Variants in FRMPD4 observed in about 807,000 individuals in gnomAD.
FRMPD4 encodes the protein FERM and PDZ domain containing 4.
A neutral mutation model predicts 94.1 loss-of-function variants in FRMPD4; 22 were observed. That is an observed-to-expected ratio of 0.23 (90% CI 0.17 to 0.33). The LOEUF (loss-of-function observed/expected upper bound fraction) is 0.33. Among genes scored for constraint, FRMPD4 ranks in the 10% least tolerant of loss-of-function variants. The pLI is 1.00. For missense variants in FRMPD4, 1,111 were observed against 1,339.9 expected, an observed-to-expected ratio of 0.83 and a Z score of 2.67; for synonymous variants, 631 against 548.6, an observed-to-expected ratio of 1.15 and a Z score of -2.10.
intron 9 of FRMPD4, among the ~76,000 whole-genome samples, chrX:12,701,067 C>CTTTTTTTTTTT (rs34465193): frequency 1.8e-5 from 1 of 56,584 alleles, no homozygotes; most frequent in Non-Finnish European, 3.1e-5. Context: ...GTTTTGGCTT[C>CTTTTTTTTTTT]TTTTTTTTTT....
At chrX:12,372,640 G>A (rs183402065) in intron 1 of FRMPD4, among the ~76,000 whole-genome samples, 103 of 112,831 alleles carry the variant, frequency 9.1e-4, no homozygotes, top group Middle Eastern at 4.6e-3. Flanking sequence ...GAGACCAGGC[G>A]TGCTGGGTTC....
At chrX:12,126,703 G>A (rs1316240946) in intron 3 of FRMPD4, among the ~76,000 whole-genome samples, 1 of 111,636 alleles carries the variant, frequency 9.0e-6, no homozygotes, top group Non-Finnish European at 1.9e-5. Flanking sequence ...TGAATTCCTT[G>A]AAGTCTAATT....
rs777529674 is a variant in FRMPD4, at chrX:12,375,894, T to G, written c.42-122786T>G. On this transcript the variant is annotated intron_variant, in intron 1 of 16. Coordinates refer to ENST00000675598, the MANE Select transcript of FRMPD4 (RefSeq NM_001368397.1). The stretch of plus-strand genomic sequence containing the variant: ...GGAAGATGGGAGGGAGTCAGCTGAT[T>G]AGAATCACAGAGCTATTTCTGATGG... 5.3e-5 allele frequency among the ~76,000 whole-genome samples: 6 copies of G among 112,429 alleles called. No individual in the cohort carries two copies. In the East Asian group the frequency reaches 1.4e-3, roughly 26 times the overall value.
chrX:12,130,880 A>G (rs1041597415), intron 3 of FRMPD4, among the ~76,000 whole-genome samples: 2 of 112,155 alleles, frequency 1.8e-5, no homozygotes, highest in Non-Finnish European at 3.8e-5. Flanking sequence ...TATGTCTCAG[A>G]CAAATATGAG....
intron 1 of FRMPD4, among the ~76,000 whole-genome samples, chrX:11,839,989 CAGTA>C (rs2053524744): frequency 9.0e-6 from 1 of 111,595 alleles, no homozygotes; most frequent in Non-Finnish European, 1.9e-5. Context: ...AGTGGTTTTA[CAGTA>C]AGTTTTGAAA....
intron 3 of FRMPD4, among the ~76,000 whole-genome samples, chrX:12,017,565 G>A (rs1020544738): frequency 8.9e-6 from 1 of 112,311 alleles, no homozygotes; most frequent in African/African-American, 3.2e-5. Context: ...AGGGTCAAGA[G>A]TATATTGTCC....
At chrX:12,008,908 C>T (rs1471001053) in intron 3 of FRMPD4, among the ~76,000 whole-genome samples, 1 of 111,372 alleles carries the variant, frequency 9.0e-6, no homozygotes, top group Non-Finnish European at 1.9e-5. Flanking sequence ...TTATTGGGTG[C>T]CCACAGAGAG....
At chrX:12,247,465 A>G (rs1023182007) in intron 1 of FRMPD4, among the ~76,000 whole-genome samples, 1 of 112,027 alleles carries the variant, frequency 8.9e-6, no homozygotes, top group Non-Finnish European at 1.9e-5. Flanking sequence ...CCAAGGATGG[A>G]TATGATATAT....
chrX:12,718,886 G>T, intron 16 of FRMPD4, 96 bp downstream of exon 16: 1 of 547,132 alleles, frequency 1.8e-6, no homozygotes, highest in East Asian at 3.3e-5. Flanking sequence ...TGGAAGAAAA[G>T]TAAAAGGTAG....
intron 1 of FRMPD4, among the ~76,000 whole-genome samples, chrX:12,343,921 C>T (rs1026193420): frequency 3.6e-5 from 4 of 112,303 alleles, no homozygotes; most frequent in African/African-American, 1.3e-4. Flanking sequence ...TTCTAAGCAT[C>T]ATCATATGTT....
In FRMPD4 at chrX:12,498,722, C is replaced by A. The variant is rs2057881973; in HGVS notation, c.84C>A (p.Thr28=). 8.3e-7 allele frequency: 1 copy of A among 1,200,341 alleles called. No individual in the cohort carries two copies. The highest frequency in any genetic ancestry group is 1.8e-5 in the African/African-American group (1 of 55,735). ...CAGGCTGGCCGCCTCCCTCGGGAAC[C>A]TGGGGCTTGAGCCAGGTGCCGCCCT... ...KSSGWPPPSG[T]WGLSQVPPYG... is the part of the protein sequence containing the mutation. The change falls in exon 2 of 17, where the codon ACC becomes ACA. Residue 28 remains threonine (T), a synonymous_variant. Transcript: ENST00000675598.
chrX:11,901,567 G>C (rs1227540490), intron 3 of FRMPD4, among the ~76,000 whole-genome samples: 1 of 112,127 alleles, frequency 8.9e-6, no homozygotes, highest in African/African-American at 3.2e-5. Context: ...CCATGCGTGT[G>C]CATGTGTCTT....
chrX:12,075,085 TGGAGTATTACAAATAATTTTAG>T (rs1294508208), intron 3 of FRMPD4, among the ~76,000 whole-genome samples: 1 of 112,367 alleles, frequency 8.9e-6, no homozygotes, highest in Non-Finnish European at 1.9e-5. Context: ...TATGTTTATT[TGGAGTATTACAAATAATTTTAG>T]GAGGAGGGAG....
chrX:12,354,577 C>T (rs1383948745), intron 1 of FRMPD4, among the ~76,000 whole-genome samples: 1 of 112,533 alleles, frequency 8.9e-6, no homozygotes, highest in Admixed American at 9.4e-5. Context: ...CATTTTCCAG[C>T]ATCGGATAAT....
chrX:12,423,606 T>C (rs950130718), intron 1 of FRMPD4, among the ~76,000 whole-genome samples: 6 of 112,375 alleles, frequency 5.3e-5, no homozygotes, highest in African/African-American at 1.6e-4. Context: ...ACCTCATCAA[T>C]GTAACTGAAA....
At chrX:12,101,332 T>A (rs1318237597) in intron 3 of FRMPD4, among the ~76,000 whole-genome samples, 1 of 111,365 alleles carries the variant, frequency 9.0e-6, no homozygotes, top group African/African-American at 3.3e-5. Context: ...CTTATCCTGG[T>A]CTTTAGCACA....
At chrX:12,544,884 A>C (rs1433428159) in intron 2 of FRMPD4, among the ~76,000 whole-genome samples, 3 of 111,881 alleles carry the variant, frequency 2.7e-5, no homozygotes, top group African/African-American at 9.7e-5. Context: ...TTCTTCTTCT[A>C]CAAAAAGACT....
intron 1 of FRMPD4, among the ~76,000 whole-genome samples, chrX:12,305,725 G>GTTTTTTTTTTGTTTGTTTGTT (rs2054927657): frequency 1.7e-5 from 1 of 59,721 alleles, no homozygotes; most frequent in Admixed American, 2.8e-4. Context: ...AGCTGGCTAA[G>GTTTTTTTTTTGTTTGTTTGTT]TTTTTTTTTT....
intron 1 of FRMPD4, among the ~76,000 whole-genome samples, chrX:12,466,825 A>G (rs1310301166): frequency 8.9e-6 from 1 of 112,294 alleles, no homozygotes; most frequent in Non-Finnish European, 1.9e-5. Flanking sequence ...AAGAATGGCT[A>G]GAGTTGAGCA....
Sources: allele counts gnomAD v4.1 joint callset (sites outside exome capture counted in the v4.1 genomes callset), GRCh38; gene constraint gnomAD v4.1.1; transcripts MANE v1.5; gene names NCBI Gene and HGNC (gene_info 2026-07-23, HGNC 2026-07-21).